HPCAL1: variants seen among roughly 807,000 people sequenced by gnomAD.
The protein encoded by HPCAL1 is hippocalcin like 1.
HPCAL1 carries 8 observed loss-of-function variants against 17.1 expected under a neutral mutation model. That is an observed-to-expected ratio of 0.47 (90% CI 0.27 to 0.84). The LOEUF is 0.84. HPCAL1 is among the 40% of genes least tolerant of loss of function. The pLI is 0.13. For missense variants in HPCAL1, 165 were observed against 271.1 expected, an observed-to-expected ratio of 0.61 and a Z score of 2.75; for synonymous variants, 112 against 111.4, an observed-to-expected ratio of 1.01 and a Z score of -0.03.
intron 1 of HPCAL1, among the ~76,000 whole-genome samples, chr2:10,360,152 C>G (rs1049840500): frequency 1.3e-5 from 2 of 152,132 alleles, no homozygotes; most frequent in Non-Finnish European, 2.9e-5. Flanking sequence ...GGTGACTCTG[C>G]TGCGGTCTCC....
At chr2:10,338,705 T>C (rs927103126) in intron 1 of HPCAL1, among the ~76,000 whole-genome samples, 2 of 152,110 alleles carry the variant, frequency 1.3e-5, no homozygotes, top group African/African-American at 4.8e-5. Context: ...ACCACGTGCG[T>C]GGAGGGTGCA....
chr2:10,316,152 C>T (rs190682080), intron 1 of HPCAL1, among the ~76,000 whole-genome samples: 9 of 152,248 alleles, frequency 5.9e-5, no homozygotes, highest in Admixed American at 3.3e-4. Flanking sequence ...CTGGAAGGAG[C>T]CATCTCGGCG....
At chr2:10,339,153 G>A (rs1189432817) in intron 1 of HPCAL1, among the ~76,000 whole-genome samples, 1 of 151,494 alleles carries the variant, frequency 6.6e-6, no homozygotes, top group East Asian at 1.9e-4. Context: ...ATGTATATTT[G>A]AAAAAAAAAT....
intron 3 of HPCAL1, among the ~76,000 whole-genome samples, chr2:10,421,847 G>A (rs774397631): frequency 2.6e-5 from 4 of 152,176 alleles, no homozygotes; most frequent in Non-Finnish European, 4.4e-5. Flanking sequence ...AGGAATGAGC[G>A]ACCCATTTCC....
Position 10,331,748 on chromosome 2 carries a change from G to T in HPCAL1, c.-111+28571G>T, listed in dbSNP as rs1664397216. Among the ~76,000 whole-genome samples, 1 of 152,110 alleles carries T rather than the reference G, an allele frequency of 6.6e-6. No homozygotes were observed. Among genetic ancestry groups the T allele is most frequent in the African/African-American group, 2.4e-5 (1 of 41,412 alleles). On this transcript the variant is annotated intron_variant, in intron 1 of 4. Coordinates refer to ENST00000307845, the MANE Select transcript of HPCAL1 (RefSeq NM_002149.4). The surrounding 1 kb of genome is among the most constrained non-coding windows in gnomAD (Gnocchi z 5.0). Reference sequence around the variant, plus strand: ...ATGGTGTTTCTAGTCTTTTGTGGATGGGGACATAAACAAGCCGCCATCAAC... The same window carrying T: ...ATGGTGTTTCTAGTCTTTTGTGGATTGGGACATAAACAAGCCGCCATCAAC...
intron 4 of HPCAL1, chr2:10,424,988 C>T (rs776228173): frequency 1.3e-4 from 28 of 212,488 alleles, no homozygotes; most frequent in Non-Finnish European, 2.1e-4. Context: ...AGGCTGTGCT[C>T]AGCAACCCCC....
intron 1 of HPCAL1, among the ~76,000 whole-genome samples, chr2:10,385,791 C>A (rs895854552): frequency 2.0e-5 from 3 of 152,204 alleles, no homozygotes; most frequent in Non-Finnish European, 4.4e-5. Context: ...CGAGCCCCCA[C>A]ATGTTCTGTA....
intron 1 of HPCAL1, among the ~76,000 whole-genome samples, chr2:10,386,943 G>GAGGC (rs1409616793): frequency 1.3e-5 from 2 of 152,244 alleles, no homozygotes; most frequent in Non-Finnish European, 2.9e-5. Context: ...GCCTCCACAT[G>GAGGC]AGGCAGGGAC....
At chr2:10,386,032 C>T (rs1668289245) in intron 1 of HPCAL1, among the ~76,000 whole-genome samples, 1 of 152,198 alleles carries the variant, frequency 6.6e-6, no homozygotes, top group African/African-American at 2.4e-5. Flanking sequence ...ATGTCGATAA[C>T]ACAGCAGGAC....
chr2:10,369,645 GC>G (rs1470239106), intron 1 of HPCAL1, among the ~76,000 whole-genome samples: 1 of 152,224 alleles, frequency 6.6e-6, no homozygotes, highest in African/African-American at 2.4e-5. Flanking sequence ...CTCAGGGGCA[GC>G]CTAAATGTAG....
chr2:10,378,743 G>A (rs1667750803), intron 1 of HPCAL1, among the ~76,000 whole-genome samples: 1 of 152,194 alleles, frequency 6.6e-6, no homozygotes, highest in African/African-American at 2.4e-5. Flanking sequence ...TGACCACATT[G>A]CATGTTCCAG....
At chr2:10,413,466 G>A (rs2148007871) in intron 2 of HPCAL1, among the ~76,000 whole-genome samples, 2 of 152,342 alleles carry the variant, frequency 1.3e-5, no homozygotes. Context: ...CCTTGTGCCA[G>A]GCCCAGCTGG....
In HPCAL1 at chr2:10,375,155, G is replaced by A. The variant is rs754973154; in HGVS notation, c.-110-21680G>A. On this transcript the variant is annotated intron_variant, in intron 1 of 4. Transcript: ENST00000307845. ...TTCCACCCACAGTCCTGTCGGGAGA[G>A]GTAACATTTTGGAGTACAGTGTGCC... Among the ~76,000 whole-genome samples the A allele has an allele frequency of 1.6e-4, 24 of 152,346 alleles. 1 individual carries two copies. In the East Asian group the frequency reaches 3.3e-3, roughly 21 times the overall value.
rs889561618 is a variant in HPCAL1 at position 10,356,292 on chromosome 2, T to G, written c.-110-40543T>G. Among the ~76,000 whole-genome samples, 9 of 151,562 alleles carry G rather than the reference T, an allele frequency of 5.9e-5. No individual in the cohort carries two copies. In the South Asian group the frequency reaches 1.9e-3, roughly 32 times the overall value. On this transcript the variant is annotated intron_variant, in intron 1 of 4. Transcript: ENST00000307845. ...GTGAATCATGAGTGCAGCATGAGAG[T>G]GTTAAAGGTCACAGGACGCCTCTTA...
At chr2:10,411,336 G>A (rs1299137606) in intron 2 of HPCAL1, among the ~76,000 whole-genome samples, 2 of 152,154 alleles carry the variant, frequency 1.3e-5, no homozygotes, top group Admixed American at 6.5e-5. Flanking sequence ...CCACCCCACC[G>A]AAGCCTCGGT....
At chr2:10,378,614 C>A (rs921092556) in intron 1 of HPCAL1, among the ~76,000 whole-genome samples, 11 of 152,148 alleles carry the variant, frequency 7.2e-5, no homozygotes, top group Admixed American at 2.6e-4. Context: ...GGGGGCCTCA[C>A]TCTCCTGACC....
chr2:10,328,825 G>A (rs1638387862), intron 1 of HPCAL1, among the ~76,000 whole-genome samples: 2 of 151,928 alleles, frequency 1.3e-5, no homozygotes, highest in Admixed American at 1.3e-4. Context: ...AACTTTCTCT[G>A]CCCCTTTTGT....
intron 4 of HPCAL1, chr2:10,426,321 G>C (rs532187464): frequency 5.1e-6 from 1 of 196,716 alleles, no homozygotes; most frequent in African/African-American, 2.3e-5. Flanking sequence ...GATCCGGACC[G>C]TGCTTCCGGG....
Position 10,310,738 on chromosome 2 carries a change from G to T in HPCAL1, c.-111+7561G>T, listed in dbSNP as rs1268711326. ...GCATGGATCGGGTCTGGGAGTGTTC[G>T]TGCTGGCAGGCCGGAGGAGGACTGC... On this transcript the variant is annotated intron_variant, in intron 1 of 4. Coordinates refer to ENST00000307845, the MANE Select transcript of HPCAL1 (RefSeq NM_002149.4). The surrounding 1 kb of genome is among the most constrained non-coding windows in gnomAD (Gnocchi z 4.5). Among the ~76,000 whole-genome samples, 1 of 152,124 alleles carries T rather than the reference G, an allele frequency of 6.6e-6. No homozygotes were observed. Among genetic ancestry groups the T allele is most frequent in the South Asian group, 2.1e-4 (1 of 4,824 alleles).
Sources: allele counts gnomAD v4.1 joint callset (sites outside exome capture counted in the v4.1 genomes callset), GRCh38; gene constraint gnomAD v4.1.1; non-coding constraint Gnocchi (gnomAD v3.1); transcripts MANE v1.5; gene names NCBI Gene and HGNC (gene_info 2026-07-23, HGNC 2026-07-21).